Variants in MMP17 observed in about 807,000 individuals in gnomAD.
MMP17 encodes matrix metallopeptidase 17, also known as matrix metalloproteinase-17.
MMP17 carries 54 observed loss-of-function variants against 49.1 expected under a neutral mutation model. That is an observed-to-expected ratio of 1.10 (90% CI 0.88 to 1.38). The LOEUF is 1.38. MMP17 is among the 40% of genes most tolerant of loss of function. The probability of loss-of-function intolerance (pLI) is 0.00; values close to 1 mark genes in which losing one functional copy is unlikely to be tolerated. For synonymous variants in MMP17, 397 were observed against 383.1 expected, an observed-to-expected ratio of 1.04 and a Z score of -0.42; for missense variants, 837 against 853.7, an observed-to-expected ratio of 0.98 and a Z score of 0.24.
At chr12:131,844,816 G>A (rs748881987) in intron 6 of MMP17, 16 of 408,396 alleles carry the variant, frequency 3.9e-5, no homozygotes, top group Non-Finnish European at 5.4e-5. Context: ...GTCCCGTGGC[G>A]TGGGTGTTTG....
chr12:131,833,447 C>T (rs1030954666), intron 1 of MMP17, among the ~76,000 whole-genome samples: 3 of 152,192 alleles, frequency 2.0e-5, no homozygotes, highest in South Asian at 2.1e-4. Flanking sequence ...CTCAGACAGA[C>T]GGATTCAGGG....
intron 1 of MMP17, among the ~76,000 whole-genome samples, chr12:131,833,325 C>A (rs1465709371): frequency 6.6e-6 from 1 of 152,228 alleles, no homozygotes; most frequent in Non-Finnish European, 1.5e-5. Flanking sequence ...ACATAATGAC[C>A]GCCTGAGACG....
intron 8 of MMP17, among the ~76,000 whole-genome samples, chr12:131,847,188 A>G (rs534487827): frequency 1.2e-3 from 177 of 152,004 alleles, no homozygotes; most frequent in Non-Finnish European, 1.7e-3. Flanking sequence ...CGAGGCGGGC[A>G]GATTACAAGG....
At chr12:131,835,112 A>G (rs1887013976) in intron 1 of MMP17, among the ~76,000 whole-genome samples, 1 of 152,074 alleles carries the variant, frequency 6.6e-6, no homozygotes, top group Admixed American at 6.5e-5. Flanking sequence ...AGCCCCCAAG[A>G]CGGCCCCTCC....
intron 2 of MMP17, 41 bp from the exon 3 acceptor site, chr12:131,838,571 G>A (rs1887205996): frequency 1.9e-6 from 3 of 1,579,986 alleles, no homozygotes; most frequent in South Asian, 1.1e-5. Context: ...AGGGTGGGGA[G>A]TGAGCTGGGC....
chr12:131,844,096 C>G lies in MMP17; in HGVS notation c.968+15C>G. On this transcript the variant is annotated intron_variant, in intron 6 of 9. Transcript: ENST00000360564. ...TCCAGCGCCCCGTAAGCCCTGGGCC[C>G]ACGGTCACCACCCGCTGGGGTCTGT... 3 of 1,542,578 alleles carry G rather than the reference C, an allele frequency of 1.9e-6. No individual in the cohort carries two copies. In the South Asian group the frequency reaches 3.6e-5, roughly 18 times the overall value.
intron 1 of MMP17, among the ~76,000 whole-genome samples, chr12:131,833,378 C>T (rs1886923108): frequency 6.6e-6 from 1 of 152,248 alleles, no homozygotes; most frequent in Non-Finnish European, 1.5e-5. Context: ...TCCTCACGAT[C>T]CCGTCTTCCC....
intron 5 of MMP17, among the ~76,000 whole-genome samples, chr12:131,842,578 A>G (rs1468596759): frequency 6.6e-6 from 1 of 152,106 alleles, no homozygotes; most frequent in African/African-American, 2.4e-5. Context: ...GTTTGAGACC[A>G]GCCTGGCCAA....
At chr12:131,829,133 C>A (rs1886663867) in intron 1 of MMP17, among the ~76,000 whole-genome samples, 1 of 152,240 alleles carries the variant, frequency 6.6e-6, no homozygotes, top group Non-Finnish European at 1.5e-5. Flanking sequence ...CTTGAGCCCC[C>A]GAGTTTGCTC....
Position 131,851,185 on chromosome 12 carries a change from G to A in MMP17, c.1723G>A (p.Gly575Ser). 6.8e-7 allele frequency: 1 copy of A among 1,466,428 alleles called. No homozygotes were observed. The allele number at this position is 1,466,428 out of a possible 1,614,324, so 90.8% of individuals were successfully genotyped here. The change falls in exon 10 of 10, where the codon GGC becomes AGC. Residue 575 changes from glycine to serine, a missense_variant. By Grantham distance (56) the Gly-to-Ser change is moderately conservative. Transcript: ENST00000360564. ...SGASSPPGAP[G>S]PLVAATMLLL... is the part of the protein sequence containing the mutation. ...GGCATCCTCTCCCCCGGGGGCCCCA[G>A]GCCCACTGGTGGCTGCCACCATGCT... is the stretch of plus-strand genomic sequence containing the variant.
chr12:131,847,137 G>T (rs1277584703), intron 8 of MMP17, among the ~76,000 whole-genome samples: 17 of 150,242 alleles, frequency 1.1e-4, no homozygotes, highest in African/African-American at 4.2e-4. Flanking sequence ...AAAATGTCAC[G>T]CGCAGTGGCT....
rs751332120 is a variant in MMP17 at position 131,840,876 on chromosome 12, C to G, written c.706+20C>G. On this transcript the variant is annotated intron_variant, in intron 4 of 9. Coordinates refer to ENST00000360564, the MANE Select transcript of MMP17 (RefSeq NM_016155.7). Reference sequence around the variant, plus strand: ...CCTCGGGTGCGTCTGGGGCAGCCCTCAGGGCAGAGTCAGGAGCCCCAGCGG... The same window carrying G: ...CCTCGGGTGCGTCTGGGGCAGCCCTGAGGGCAGAGTCAGGAGCCCCAGCGG... The G allele has an allele frequency of 6.4e-7, 1 of 1,567,268 alleles. No individual in the cohort carries two copies. Among genetic ancestry groups the G allele is most frequent in the South Asian group, 1.2e-5 (1 of 86,606 alleles).
At chr12:131,841,997 C>T (rs922943073) in intron 5 of MMP17, among the ~76,000 whole-genome samples, 197 bp downstream of exon 5, 2 of 152,206 alleles carry the variant, frequency 1.3e-5, no homozygotes, top group Middle Eastern at 3.2e-3. Flanking sequence ...GATCAGAATT[C>T]CACCTCTGCG....
intron 6 of MMP17, 175 bp from the exon 7 acceptor site, chr12:131,844,938 CTGAAG>C: frequency 4.6e-6 from 2 of 437,790 alleles, no homozygotes; most frequent in South Asian, 6.0e-5. Flanking sequence ...CCCCCGCCCG[CTGAAG>C]CGGTGGACAG....
At chr12:131,837,820 C>G (rs957313584) in intron 1 of MMP17, among the ~76,000 whole-genome samples, 2 of 152,234 alleles carry the variant, frequency 1.3e-5, no homozygotes, top group African/African-American at 2.4e-5. Flanking sequence ...CCACCACTCT[C>G]CTGCCTCAGC....
rs1887689440 is a variant in MMP17 at position 131,846,087 on chromosome 12, G to C, written c.1204+638G>C. Among the ~76,000 whole-genome samples the C allele has an allele frequency of 6.6e-6, 1 of 152,198 alleles. No individual in the cohort carries two copies. Among genetic ancestry groups the C allele is most frequent in the South Asian group, 2.1e-4 (1 of 4,834 alleles). On this transcript the variant is annotated intron_variant, in intron 8 of 9. Coordinates refer to ENST00000360564, the MANE Select transcript of MMP17 (RefSeq NM_016155.7). This position sits in a 1 kb window ranked among gnomAD's most constrained non-coding sequence, Gnocchi z 4.6. ...GGCAGGAAAGGGAGACAGTAGCAGG[G>C]GCAGGTGGGGGTGGCAGGGCTGCAG...
rs750130696 is a variant in MMP17 at position 131,841,720 on chromosome 12, C to T, written c.803C>T (p.Pro268Leu). ...HVAAAHSIMRPYYQGPVGDPL... is the reference protein window; with the variant it reads ...HVAAAHSIMRLYYQGPVGDPL... Reference sequence around the variant, plus strand: ...GCCGCTGCACACTCCATCATGCGGCCGTACTACCAGGGCCCGGTGGGTGAC... The same window carrying T: ...GCCGCTGCACACTCCATCATGCGGCTGTACTACCAGGGCCCGGTGGGTGAC... The change falls in exon 5 of 10, where the codon CCG becomes CTG. Residue 268 changes from proline (P) to leucine (L), a missense_variant. Coordinates refer to ENST00000360564, the MANE Select transcript of MMP17 (RefSeq NM_016155.7). The T allele has an allele frequency of 1.5e-5, 25 of 1,613,702 alleles. 1 individual carries two copies. The highest frequency in any genetic ancestry group is 1.9e-5 in the Non-Finnish European group (22 of 1,179,960).
intron 2 of MMP17, 75 bp from the exon 3 acceptor site, chr12:131,838,537 A>C (rs7971187): frequency 1.6e-5 from 24 of 1,529,494 alleles, no homozygotes; most frequent in Non-Finnish European, 2.0e-5. Flanking sequence ...CAGGGCTCCC[A>C]CCCTTGCGGA....
chr12:131,837,042 G>T (rs1887118690), intron 1 of MMP17, among the ~76,000 whole-genome samples: 1 of 152,184 alleles, frequency 6.6e-6, no homozygotes. Flanking sequence ...CAGGTTAAAG[G>T]GCTGCCCTCA....
Sources: allele counts gnomAD v4.1 joint callset (sites outside exome capture counted in the v4.1 genomes callset), GRCh38; gene constraint gnomAD v4.1.1; non-coding constraint Gnocchi (gnomAD v3.1); transcripts MANE v1.5; gene names NCBI Gene and HGNC (gene_info 2026-07-23, HGNC 2026-07-21).